The following GLIS2 variants were observed in gnomAD, a reference collection of about 807,000 sequenced individuals.
GLIS2 encodes zinc finger protein GLIS2.
In GLIS2, 14 loss-of-function variants were observed where a neutral mutation model predicts 35.6. That is an observed-to-expected ratio of 0.39 (90% confidence interval 0.26 to 0.61). The LOEUF is 0.61. Ranked by LOEUF, GLIS2 falls within the 20% of genes least tolerant of loss-of-function variation. The probability of loss-of-function intolerance (pLI) is 0.48; values close to 1 mark genes in which losing one functional copy is unlikely to be tolerated. For synonymous variants in GLIS2, 368 were observed against 325.1 expected, an observed-to-expected ratio of 1.13 and a Z score of -1.42; for missense variants, 675 against 713.4, an observed-to-expected ratio of 0.95 and a Z score of 0.61.
intron 1 of GLIS2, chr16:4,328,271 T>G (rs3888628): frequency 1.3e-5 from 2 of 152,274 alleles, no homozygotes; most frequent in Non-Finnish European, 2.9e-5. Context: ...CAGGGTTCCC[T>G]GGTTGCAGGC....
rs568062136 is a variant in GLIS2, at chr16:4,317,476, C to T, written c.-67+1222C>T. On this transcript the variant is annotated intron_variant, in intron 1 of 6. Transcript: ENST00000433375. ...GCGCTTCGGAGGGCCTTCCAGCCCC[C>T]GGGCTCAGGGGAGGGGAAACTGGCC... is the stretch of plus-strand genomic sequence containing the variant. Among the ~76,000 whole-genome samples, 9 of 152,266 alleles carry T rather than the reference C, an allele frequency of 5.9e-5. No homozygotes were observed. In the South Asian group the frequency reaches 6.2e-4, roughly 11 times the overall value.
At chr16:4,330,383 C>T (rs893321573) in intron 1 of GLIS2, among the ~76,000 whole-genome samples, 5 of 152,278 alleles carry the variant, frequency 3.3e-5, no homozygotes. Flanking sequence ...AAAATAATTT[C>T]TACATATTTA....
rs767816412 is a variant in GLIS2 at position 4,332,361 on chromosome 16, G to A, written c.81G>A (p.Thr27=). The stretch of plus-strand genomic sequence containing the variant: ...CGGCAAGAGAGAAGCGGGAGAGGAC[G>A]CTGGGTGTGGTCCGGCCCCGTGCTC... ...LRAAREKRER[T]LGVVRPRALH... The change falls in exon 2 of 7, where the codon ACG becomes ACA. Residue 27 remains threonine, a synonymous_variant. Transcript: ENST00000433375. This position sits in a 1 kb window ranked among gnomAD's most constrained non-coding sequence, Gnocchi z 5.4. 6.2e-6 allele frequency: 10 copies of A among 1,612,960 alleles called. No homozygotes were observed. Among genetic ancestry groups the A allele is most frequent in the Middle Eastern group, 3.3e-4 (2 of 6,082 alleles).
chr16:4,329,550 G>A (rs971402809), intron 1 of GLIS2, among the ~76,000 whole-genome samples: 3 of 152,252 alleles, frequency 2.0e-5, no homozygotes, highest in Admixed American at 6.5e-5. Context: ...AGAAGCAGAG[G>A]ATCTCCAGTG....
intron 1 of GLIS2, among the ~76,000 whole-genome samples, chr16:4,318,542 A>AGTT (rs1401561035): frequency 6.6e-6 from 1 of 152,226 alleles, no homozygotes; most frequent in African/African-American, 2.4e-5. Context: ...GGGTAGCCAC[A>AGTT]GCGATTTCTT....
At position 4,337,178 on chromosome 16, in the gene GLIS2, A is replaced by G. The variant is rs1227413805; in HGVS notation, c.1229A>G (p.Asn410Ser). 17 of 1,543,588 alleles carry G rather than the reference A, an allele frequency of 1.1e-5. No homozygotes were observed. The highest frequency in any genetic ancestry group is 2.0e-5 in the Admixed American group (1 of 51,010). Reference protein sequence around the residue: ...PGLPGPVLPLNLAKNPLLPSP... With the variant: ...PGLPGPVLPLSLAKNPLLPSP... Reference sequence around the variant, plus strand: ...CTGCCAGGCCCCGTCCTGCCTCTCAATCTGGCCAAGAACCCGCTGCTGCCC... The same window carrying G: ...CTGCCAGGCCCCGTCCTGCCTCTCAGTCTGGCCAAGAACCCGCTGCTGCCC... Residue 410 changes from asparagine (N) to serine (S), a missense_variant, in exon 7 of 7, where the codon AAT becomes AGT. Physicochemically the swap from Asn to Ser is conservative, Grantham distance 46. Around this residue, in one of 3 missense-constraint regions of GLIS2, gnomAD observed 317 missense variants for 283.2 expected, o/e 1.12. Coordinates refer to ENST00000433375, the MANE Select transcript of GLIS2 (RefSeq NM_032575.3).
rs962633334 is a variant in GLIS2, at chr16:4,338,220, C to A, written c.*696C>A. On this transcript the variant is annotated 3_prime_UTR_variant, in exon 7 of 7. Coordinates refer to ENST00000433375, the MANE Select transcript of GLIS2 (RefSeq NM_032575.3). ...GATAGCTGGCCACTCCACCCCTGCACCCCAGGGTCTCCTCCCTCTACCTTT... is the reference window on the plus strand; with the variant it reads ...GATAGCTGGCCACTCCACCCCTGCAACCCAGGGTCTCCTCCCTCTACCTTT... 1.3e-5 allele frequency: 2 copies of A among 153,366 alleles called. No individual in the cohort carries two copies. The highest frequency in any genetic ancestry group is 4.8e-5 in the African/African-American group (2 of 41,454). The allele number at this position is 153,366 out of a possible 1,614,324, so 9.5% of individuals were successfully genotyped here. A position where few individuals can be genotyped will look rare whatever the true frequency, so the allele number is the denominator to read the frequency against.
At chr16:4,327,680 C>A (rs931700342) in intron 1 of GLIS2, among the ~76,000 whole-genome samples, 3 of 151,624 alleles carry the variant, frequency 2.0e-5, no homozygotes, top group Non-Finnish European at 4.4e-5. Flanking sequence ...CCGCCCAGCC[C>A]ACCCTCCGGG....
chr16:4,337,831 T>G lies in GLIS2; in HGVS notation c.*307T>G. ...TGCCCGACCTCCTCCCGTTTCCCTCTCCCACCCTGGCACCTCCCTCACCTA... is the reference window on the plus strand; with the variant it reads ...TGCCCGACCTCCTCCCGTTTCCCTCGCCCACCCTGGCACCTCCCTCACCTA... On this transcript the variant is annotated 3_prime_UTR_variant, in exon 7 of 7. Coordinates refer to ENST00000433375, the MANE Select transcript of GLIS2 (RefSeq NM_032575.3). 3 of 524,034 alleles carry G rather than the reference T, an allele frequency of 5.7e-6. No individual in the cohort carries two copies. The highest frequency in any genetic ancestry group is 1.9e-5 in the African/African-American group (1 of 52,294). The allele number at this position is 524,034 out of a possible 1,614,324, so 32.5% of individuals were successfully genotyped here.
chr16:4,321,676 C>T (rs779344626), intron 1 of GLIS2, among the ~76,000 whole-genome samples: 1 of 152,136 alleles, frequency 6.6e-6, no homozygotes, highest in African/African-American at 2.4e-5. Context: ...TGCCAGGGGC[C>T]GTGGGAACTG....
At chr16:4,333,118 T>G (rs189245233) in intron 2 of GLIS2, among the ~76,000 whole-genome samples, 1 of 152,126 alleles carries the variant, frequency 6.6e-6, no homozygotes, top group African/African-American at 2.4e-5. Flanking sequence ...AAGCGGGCAC[T>G]TCCCCCCTCC....
At chr16:4,327,778 G>GCGCTTCCTCCCTCGCCGCAGC (rs1275224172) in intron 1 of GLIS2, among the ~76,000 whole-genome samples, 2 of 120,424 alleles carry the variant, frequency 1.7e-5, no homozygotes, top group Non-Finnish European at 3.3e-5. Context: ...CCGCCCCCGC[G>GCGCTTCCTCCCTCGCCGCAGC]CGCTTCCTCC....
In GLIS2 at chr16:4,335,434, C is replaced by A. The variant is rs766970831; in HGVS notation, c.775+41C>A. On this transcript the variant is annotated intron_variant, in intron 6 of 6. Coordinates refer to ENST00000433375, the MANE Select transcript of GLIS2 (RefSeq NM_032575.3). This position sits in a 1 kb window ranked among gnomAD's most constrained non-coding sequence, Gnocchi z 4.6. ...CGGGCGGCTTGGCCCATGAAGGGGG[C>A]GCTCAGCTGAGACCGGCTGGGCAGG... 5.1e-6 allele frequency: 8 copies of A among 1,578,246 alleles called. No homozygotes were observed. The Admixed American group carries it at 1.3e-4, about 26-fold the overall frequency.
In GLIS2 at chr16:4,337,269, C is replaced by G; in HGVS notation, c.1320C>G (p.Gly440=). The change falls in exon 7 of 7, where the codon GGC becomes GGG. Residue 440 remains glycine (G), a synonymous_variant. Coordinates refer to ENST00000433375, the MANE Select transcript of GLIS2 (RefSeq NM_032575.3). ...CCCTCCTTGCTGGCGCAGCTGGTGG[C>G]AAGGCCGAGGGGGAGAAGGGGCGTG... ...VVSLLAGAAG[G]KAEGEKGRGS... is the part of the protein sequence containing the mutation. The G allele has an allele frequency of 1.9e-6, 3 of 1,549,746 alleles. No homozygotes were observed. Among genetic ancestry groups the G allele is most frequent in the Non-Finnish European group, 2.6e-6 (3 of 1,148,054 alleles).
At chr16:4,321,686 G>A (rs2053381513) in intron 1 of GLIS2, among the ~76,000 whole-genome samples, 1 of 152,198 alleles carries the variant, frequency 6.6e-6, no homozygotes, top group Non-Finnish European at 1.5e-5. Context: ...CGTGGGAACT[G>A]GGGCAGGGGT....
rs1187475267 is a variant in GLIS2, at chr16:4,336,767, G to A, written c.818G>A (p.Arg273His). The change falls in exon 7 of 7, where the codon CGC becomes CAC. Residue 273 changes from arginine to histidine, a missense_variant. Around this residue, in one of 3 missense-constraint regions of GLIS2, gnomAD observed 133 missense variants for 191.4 expected, o/e 0.69. Coordinates refer to ENST00000433375, the MANE Select transcript of GLIS2 (RefSeq NM_032575.3). ...YVCPYEGCNKRYSNSSDRFKH... is the reference protein window; with the variant it reads ...YVCPYEGCNKHYSNSSDRFKH... ...TGCCCCTACGAGGGCTGCAACAAGC[G>A]CTATTCCAACTCCAGTGACCGCTTT... 8 of 1,611,236 alleles carry A rather than the reference G, an allele frequency of 5.0e-6. No individual in the cohort carries two copies. Among genetic ancestry groups the A allele is most frequent in the South Asian group, 1.1e-5 (1 of 90,748 alleles).
rs2053541569 is a variant in GLIS2 at position 4,335,523 on chromosome 16, C to T, written c.775+130C>T. ...TCAGAGATAAGGGTTGATGTCATCGCCCAGGGGTCCCTTTTCCAATGCAGT... is the reference window on the plus strand; with the variant it reads ...TCAGAGATAAGGGTTGATGTCATCGTCCAGGGGTCCCTTTTCCAATGCAGT... On this transcript the variant is annotated intron_variant, in intron 6 of 6. Coordinates refer to ENST00000433375, the MANE Select transcript of GLIS2 (RefSeq NM_032575.3). The surrounding 1 kb of genome is among the most constrained non-coding windows in gnomAD (Gnocchi z 4.6). 3 of 798,062 alleles carry T rather than the reference C, an allele frequency of 3.8e-6. No homozygotes were observed. In the South Asian group the frequency reaches 4.8e-5, roughly 13 times the overall value. The allele number at this position is 798,062 out of a possible 1,614,324, so 49.4% of individuals were successfully genotyped here.
At chr16:4,333,617 T>C in intron 3 of GLIS2, 98 bp downstream of exon 3, 1 of 1,299,988 alleles carries the variant, frequency 7.7e-7, no homozygotes, top group Non-Finnish European at 1.0e-6. Flanking sequence ...AAAACAGATG[T>C]GTTACCCCTC....
chr16:4,338,031 T>G lies in GLIS2; in HGVS notation c.*507T>G. On this transcript the variant is annotated 3_prime_UTR_variant, in exon 7 of 7. Transcript: ENST00000433375. Reference sequence around the variant, plus strand: ...GCCCTGGGGGCTCCTTGGACCCCTTTCCCTCTGACCCTGCCTCCAGAGGGA... The same window carrying G: ...GCCCTGGGGGCTCCTTGGACCCCTTGCCCTCTGACCCTGCCTCCAGAGGGA... 5.1e-6 allele frequency: 1 copy of G among 196,224 alleles called. No individual in the cohort carries two copies. Among genetic ancestry groups the G allele is most frequent in the Non-Finnish European group, 1.1e-5 (1 of 94,554 alleles). 12.2% of individuals were successfully genotyped at this position (196,224 alleles called of 1,614,324 possible).
Sources: allele counts gnomAD v4.1 joint callset (sites outside exome capture counted in the v4.1 genomes callset), GRCh38; gene constraint gnomAD v4.1.1; regional missense constraint gnomAD v4.1.1; non-coding constraint Gnocchi (gnomAD v3.1); transcripts MANE v1.5; gene names NCBI Gene and HGNC (gene_info 2026-07-23, HGNC 2026-07-21).